Variants in MED12L observed in about 807,000 individuals in gnomAD.
MED12L encodes mediator complex subunit 12L.
MED12L carries 60 observed loss-of-function variants against 281.3 expected under a neutral mutation model. The ratio of observed to expected loss-of-function variants is 0.21; its 90% CI spans 0.17 to 0.26. The LOEUF (loss-of-function observed/expected upper bound fraction) is 0.26. Ranked by LOEUF, MED12L falls within the 10% of genes least tolerant of loss-of-function variation. The pLI is 1.00. For missense variants in MED12L, 2,146 were observed against 2,680.9 expected (o/e 0.80, Z 4.41); for synonymous variants, 974 against 987.2 (o/e 0.99, Z 0.25).
At chr3:151,192,460 G>A in intron 14 of MED12L, 90 bp from the exon 15 acceptor site, 1 of 925,654 alleles carries the variant, frequency 1.1e-6, no homozygotes, top group Non-Finnish European at 1.7e-6. Context: ...AGACAGAGAT[G>A]GTTAAAAATC....
Position 151,436,346 on chromosome 3 carries a change from T to C in MED12L, c.*3542T>C, listed in dbSNP as rs541761582. 20 of 191,492 alleles carry C rather than the reference T, an allele frequency of 1.0e-4. No homozygotes were observed. The highest frequency in any genetic ancestry group is 2.5e-3 in the Middle Eastern group (1 of 394). The allele number at this position is 191,492 out of a possible 1,614,324, so 11.9% of individuals were successfully genotyped here. ...CCATGCTTGTAACATTGATAGGAGGTGGACACTAGGCAACTGGTATTAGAA... is the reference window on the plus strand; with the variant it reads ...CCATGCTTGTAACATTGATAGGAGGCGGACACTAGGCAACTGGTATTAGAA... On this transcript the variant is annotated 3_prime_UTR_variant, in exon 45 of 45. Transcript: ENST00000687756.
intron 8 of MED12L, 105 bp from the exon 9 acceptor site, chr3:151,163,788 A>C (rs978699068): frequency 3.6e-6 from 4 of 1,125,948 alleles, no homozygotes; most frequent in African/African-American, 1.6e-5. Context: ...ACTTACTAGT[A>C]GGAGACAATA....
At chr3:151,190,326 C>T (rs1559857522) in intron 13 of MED12L, among the ~76,000 whole-genome samples, 1 of 152,084 alleles carries the variant, frequency 6.6e-6, no homozygotes, top group South Asian at 2.1e-4. Flanking sequence ...CACCCACCAC[C>T]ATGCCCAGCT....
chr3:151,378,562 G>A (rs1171255685), intron 31 of MED12L, among the ~76,000 whole-genome samples: 1 of 151,912 alleles, frequency 6.6e-6, no homozygotes. Flanking sequence ...GCATGTTGGT[G>A]TCTGAACTAG....
chr3:151,090,278 C>G (rs1719857144), intron 2 of MED12L, among the ~76,000 whole-genome samples: 1 of 152,088 alleles, frequency 6.6e-6, no homozygotes. Context: ...TGGAAGATTA[C>G]CTAGATAGTA....
chr3:151,158,261 A>C lies in MED12L; in HGVS notation c.727-428A>C, dbSNP rs1719539477. 2.0e-5 allele frequency among the ~76,000 whole-genome samples: 3 copies of C among 152,304 alleles called. No homozygotes were observed. In the South Asian group the frequency reaches 6.2e-4, roughly 32 times the overall value. On this transcript the variant is annotated intron_variant, in intron 6 of 44. Transcript: ENST00000687756. ...AAACTAATTTTGGGATAGTGGAAGA[A>C]GCTATTAAGGGGGCATTGGGTCTGA...
intron 16 of MED12L, among the ~76,000 whole-genome samples, chr3:151,313,372 T>G (rs1463726): frequency 0.027 from 4,062 of 152,158 alleles, 168 homozygotes; most frequent in African/African-American, 0.094. Flanking sequence ...TCTATATCAT[T>G]TTACATATGA....
At chr3:151,156,057 G>T in intron 5 of MED12L, 104 bp from the exon 6 acceptor site, 1 of 991,116 alleles carries the variant, frequency 1.0e-6, no homozygotes, top group Non-Finnish European at 1.4e-6. Context: ...GCAGATGTTT[G>T]TTTTATCAGT....
chr3:151,346,572 A>G (rs530333526), intron 16 of MED12L, among the ~76,000 whole-genome samples: 43 of 152,276 alleles, frequency 2.8e-4, no homozygotes, highest in African/African-American at 9.6e-4. Context: ...GTGACTTCTT[A>G]ACCTCACTGG....
chr3:151,331,463 G>A (rs1478501202), intron 16 of MED12L, among the ~76,000 whole-genome samples: 1 of 152,178 alleles, frequency 6.6e-6, no homozygotes, highest in Admixed American at 6.5e-5. Context: ...AATAGTATTT[G>A]CTTTACAGTG....
chr3:151,159,195 G>T (rs1719678461), intron 7 of MED12L, among the ~76,000 whole-genome samples: 1 of 152,200 alleles, frequency 6.6e-6, no homozygotes, highest in Non-Finnish European at 1.5e-5. Flanking sequence ...TCTTGGGATA[G>T]GAAACTTTTT....
At chr3:151,432,692 C>A in intron 44 of MED12L, 60 bp from the exon 45 acceptor site, 1 of 1,227,492 alleles carries the variant, frequency 8.1e-7, no homozygotes, top group Non-Finnish European at 1.2e-6. Context: ...AAGAGGGTAG[C>A]ATCCATCTGT....
chr3:151,267,023 T>C (rs1739972235), intron 16 of MED12L, among the ~76,000 whole-genome samples: 1 of 152,226 alleles, frequency 6.6e-6, no homozygotes, highest in South Asian at 2.1e-4. Context: ...ATTACATCTA[T>C]ACTGTAAAGT....
At chr3:151,371,992 A>C (rs1756246291) in intron 26 of MED12L, among the ~76,000 whole-genome samples, 1 of 152,196 alleles carries the variant, frequency 6.6e-6, no homozygotes, top group African/African-American at 2.4e-5. Context: ...GGAAGGTAAA[A>C]AAACAGGGGT....
intron 43 of MED12L, among the ~76,000 whole-genome samples, chr3:151,423,724 G>A (rs998640672): frequency 3.3e-5 from 5 of 152,262 alleles, no homozygotes; most frequent in African/African-American, 1.2e-4. Context: ...AACTAAATAT[G>A]TTGACAGACC....
At chr3:151,188,319 T>G (rs1160395075) in intron 12 of MED12L, 35 bp from the exon 13 acceptor site, 5 of 1,533,498 alleles carry the variant, frequency 3.3e-6, no homozygotes, top group Non-Finnish European at 4.5e-6. Context: ...ACTATACTTC[T>G]GTAATTAACT....
At chr3:151,111,294 G>A (rs761088328) in intron 2 of MED12L, among the ~76,000 whole-genome samples, 16 of 152,340 alleles carry the variant, frequency 1.1e-4, no homozygotes, top group Middle Eastern at 3.4e-3. Flanking sequence ...TGATGGTTGG[G>A]AGCATAGACT....
intron 16 of MED12L, among the ~76,000 whole-genome samples, chr3:151,205,267 C>A (rs564044202): frequency 6.6e-4 from 101 of 152,228 alleles, no homozygotes; most frequent in Admixed American, 1.5e-3. Context: ...TTTTCCCTTA[C>A]CTTGGTCATG....
intron 42 of MED12L, 122 bp downstream of exon 42, chr3:151,413,417 T>A: frequency 5.8e-6 from 7 of 1,209,682 alleles, no homozygotes; most frequent in Non-Finnish European, 8.0e-6. Context: ...CCCTGTGGAT[T>A]TGATGCTAGG....
Sources: allele counts gnomAD v4.1 joint callset (sites outside exome capture counted in the v4.1 genomes callset), GRCh38; gene constraint gnomAD v4.1.1; transcripts MANE v1.5; gene names NCBI Gene and HGNC (gene_info 2026-07-23, HGNC 2026-07-21).